Variants in TP63 observed in about 807,000 individuals in gnomAD.
TP63 encodes the protein tumor protein p63.
A neutral mutation model predicts 82.8 loss-of-function variants in TP63; 17 were observed. The ratio of observed to expected loss-of-function variants is 0.21; its 90% CI spans 0.14 to 0.31. The LOEUF is 0.31. TP63 is among the 10% of genes least tolerant of loss of function. The pLI is 1.00. For missense variants in TP63, 648 were observed against 895.3 expected, an observed-to-expected ratio of 0.72 and a Z score of 3.52; for synonymous variants, 330 against 321.7, an observed-to-expected ratio of 1.03 and a Z score of -0.28.
At chr3:189,715,182 T>C (rs1000903001) in intron 1 of TP63, among the ~76,000 whole-genome samples, 5 of 152,058 alleles carry the variant, frequency 3.3e-5, no homozygotes, top group African/African-American at 1.2e-4. Context: ...GAAGAAATCT[T>C]TGAGGCCCTA....
chr3:189,648,734 A>G (rs1477700906), intron 1 of TP63, among the ~76,000 whole-genome samples: 1 of 147,198 alleles, frequency 6.8e-6, no homozygotes, highest in African/African-American at 2.5e-5. Flanking sequence ...TTCTTCCTAA[A>G]TCTTACCATT....
At chr3:189,841,466 C>G (rs1714108510) in intron 4 of TP63, among the ~76,000 whole-genome samples, 1 of 152,172 alleles carries the variant, frequency 6.6e-6, no homozygotes, top group South Asian at 2.1e-4. Context: ...TCTTATCAGA[C>G]TGGCCTACCT....
In TP63 at chr3:189,869,302, A is replaced by G. The variant is rs6789961; in HGVS notation, c.1130-22A>G. 376,915 of 1,607,668 alleles carry G rather than the reference A, an allele frequency of 0.23. 50,107 individuals are homozygous for G. The highest frequency in any genetic ancestry group is 0.59 in the African/African-American group (44,165 of 74,802). On this transcript the variant is annotated intron_variant, in intron 8 of 13. Coordinates refer to ENST00000264731, the MANE Select transcript of TP63 (RefSeq NM_003722.5). ...GCTTTAGAAGTGTTCCCAGGATGAA[A>G]CTTGCATTTTTCCTCCACCAGCGTT...
rs1409503925 is a variant in TP63, at chr3:189,817,517, A to G, written c.579+8991A>G. ...TGTGAGGCTTAATTAAAGTTTATAA[A>G]GTGCTTTGGGAGCCTGAGAGATGAA... On this transcript the variant is annotated intron_variant, in intron 4 of 13. Transcript: ENST00000264731. Among the ~76,000 whole-genome samples, 4 of 152,196 alleles carry G rather than the reference A, an allele frequency of 2.6e-5. No homozygotes were observed. The East Asian group carries it at 7.7e-4, about 29-fold the overall frequency.
rs926605812 is a variant in TP63, at chr3:189,666,987, A to G, written c.62+35410A>G. ...GACAAAATATATAAGAAAACTTTTC[A>G]GGCCTTGAACAAAAGACAGCACAGG... On this transcript the variant is annotated intron_variant, in intron 1 of 13. Transcript: ENST00000264731. 6.0e-5 allele frequency among the ~76,000 whole-genome samples: 9 copies of G among 150,050 alleles called. No homozygotes were observed. In the East Asian group the frequency reaches 8.1e-4, roughly 13 times the overall value.
At chr3:189,686,104 AAAG>A (rs999598105) in intron 1 of TP63, among the ~76,000 whole-genome samples, 6 of 152,152 alleles carry the variant, frequency 3.9e-5, no homozygotes, top group African/African-American at 1.4e-4. Flanking sequence ...GGCAGAAAGT[AAAG>A]AAGAAGAGAG....
intron 3 of TP63, among the ~76,000 whole-genome samples, chr3:189,806,881 GA>G (rs1044799716): frequency 3.4e-5 from 5 of 148,280 alleles, no homozygotes; most frequent in South Asian, 2.1e-4. Context: ...TCCCCCTGTG[GA>G]AAAAAAAAAG....
In TP63 at chr3:189,896,525, T is replaced by C. The variant is rs189721510; in HGVS notation, c.*2023T>C. The C allele has an allele frequency of 9.5e-6, 2 of 209,646 alleles. No individual in the cohort carries two copies. Among genetic ancestry groups the C allele is most frequent in the African/African-American group, 4.5e-5 (2 of 44,086 alleles). The allele number at this position is 209,646 out of a possible 1,614,324, so 13.0% of individuals were successfully genotyped here. ...AAGTTTTGTTGTACTTAAATGGTAATAAGCACTGTAAACTTCTGCAACAAG... is the reference window on the plus strand; with the variant it reads ...AAGTTTTGTTGTACTTAAATGGTAACAAGCACTGTAAACTTCTGCAACAAG... On this transcript the variant is annotated 3_prime_UTR_variant, in exon 14 of 14. Transcript: ENST00000264731.
chr3:189,634,710 A>G (rs1729665309), intron 1 of TP63, among the ~76,000 whole-genome samples: 1 of 152,202 alleles, frequency 6.6e-6, no homozygotes, highest in African/African-American at 2.4e-5. Flanking sequence ...AAAATATTGA[A>G]CTATAGATGA....
chr3:189,766,986 T>C (rs1723002764), intron 3 of TP63, among the ~76,000 whole-genome samples: 1 of 152,190 alleles, frequency 6.6e-6, no homozygotes, highest in Non-Finnish European at 1.5e-5. Context: ...AAATATTAAG[T>C]ATATATTTTC....
chr3:189,692,641 TGG>T (rs1717029257), intron 1 of TP63, among the ~76,000 whole-genome samples: 1 of 152,164 alleles, frequency 6.6e-6, no homozygotes, highest in South Asian at 2.1e-4. Flanking sequence ...TTTTTGGACT[TGG>T]GAGAGAAGAA....
At chr3:189,783,204 CTG>C (rs1724360059) in intron 3 of TP63, among the ~76,000 whole-genome samples, 1 of 151,768 alleles carries the variant, frequency 6.6e-6, no homozygotes, top group Non-Finnish European at 1.5e-5. Context: ...ATTCAATGAA[CTG>C]AGAACGTACT....
Position 189,683,834 on chromosome 3 carries a change from A to G in TP63, c.62+52257A>G, listed in dbSNP as rs377675799. Among the ~76,000 whole-genome samples, 3 of 152,336 alleles carry G rather than the reference A, an allele frequency of 2.0e-5. No individual in the cohort carries two copies. In the South Asian group the frequency reaches 6.2e-4, roughly 32 times the overall value. ...TCTGTCTTGCATGACCTGGAATAAC[A>G]ACAACTCAGCACCTGCTCTCAAAGT... On this transcript the variant is annotated intron_variant, in intron 1 of 13. Transcript: ENST00000264731.
intron 4 of TP63, among the ~76,000 whole-genome samples, chr3:189,863,044 TG>T (rs1457165297): frequency 2.0e-5 from 3 of 152,242 alleles, no homozygotes; most frequent in African/African-American, 7.2e-5. Context: ...GTGTGATTTT[TG>T]TTAAGATACT....
chr3:189,850,690 C>T (rs1715509718), intron 4 of TP63, among the ~76,000 whole-genome samples: 1 of 152,024 alleles, frequency 6.6e-6, no homozygotes, highest in Non-Finnish European at 1.5e-5. Flanking sequence ...AACAAACCTG[C>T]ACGTTGTGCA....
chr3:189,615,819 A>G, the TP63 span, among the ~76,000 whole-genome samples: 1 of 152,350 alleles, frequency 6.6e-6, no homozygotes, highest in East Asian at 1.9e-4. Flanking sequence ...TTTCTTCTCT[A>G]TTGACTTCCA....
At chr3:189,818,007 C>T (rs1035796055) in intron 4 of TP63, among the ~76,000 whole-genome samples, 1 of 151,556 alleles carries the variant, frequency 6.6e-6, no homozygotes, top group African/African-American at 2.4e-5. Flanking sequence ...AATTGAATAA[C>T]AATGGAATTA....
intron 10 of TP63, among the ~76,000 whole-genome samples, chr3:189,875,273 A>G (rs1033117422): frequency 1.3e-4 from 19 of 151,686 alleles, no homozygotes; most frequent in African/African-American, 4.1e-4. Flanking sequence ...TCCTCCCCCT[A>G]TTAAAAACTG....
In TP63 at chr3:189,896,011, A is replaced by C; in HGVS notation, c.*1509A>C. On this transcript the variant is annotated 3_prime_UTR_variant, in exon 14 of 14. Coordinates refer to ENST00000264731, the MANE Select transcript of TP63 (RefSeq NM_003722.5). ...AAGTCTTTCATGGCTGCTGTTGCTT[A>C]AACCACTTAAACGAAGAGTTCCCTT... The C allele has an allele frequency of 4.4e-6, 1 of 229,558 alleles. No homozygotes were observed. Among genetic ancestry groups the C allele is most frequent in the East Asian group, 6.2e-5 (1 of 16,092 alleles). 14.2% of individuals were successfully genotyped at this position (229,558 alleles called of 1,614,324 possible).
Sources: gnomAD v4.1 joint callset for allele counts (sites outside exome capture counted in the v4.1 genomes callset) on GRCh38, gnomAD v4.1.1 for gene constraint, MANE v1.5 for transcripts, NCBI Gene and HGNC (gene_info 2026-07-23, HGNC 2026-07-21) for gene names.